The following QTMAN variants were observed in gnomAD, a reference collection of about 807,000 sequenced individuals.
QTMAN encodes queuosine-tRNA mannosyltransferase, also known as tRNA-queuosine alpha-mannosyltransferase.
the QTMAN span, among the ~76,000 whole-genome samples, chr2:144,265,452 C>T: frequency 6.6e-6 from 1 of 152,238 alleles, no homozygotes; most frequent in African/African-American, 2.4e-5. Context: ...AATCCCAGCA[C>T]TTTGGGAGGC....
At chr2:144,047,811 A>G in the QTMAN span, among the ~76,000 whole-genome samples, 1 of 152,240 alleles carries the variant, frequency 6.6e-6, no homozygotes, top group African/African-American at 2.4e-5. Context: ...AACATACTTC[A>G]CATTGTTGAA....
chr2:144,197,322 T>C, the QTMAN span, among the ~76,000 whole-genome samples: 1 of 150,404 alleles, frequency 6.6e-6, no homozygotes, highest in East Asian at 1.9e-4. Flanking sequence ...TGTGTGTGTA[T>C]ATATATATAT....
chr2:144,037,506 A>G, the QTMAN span, among the ~76,000 whole-genome samples: 3 of 152,214 alleles, frequency 2.0e-5, no homozygotes, highest in African/African-American at 4.8e-5. Context: ...GCAGCTCATG[A>G]GCACGTGTGT....
chr2:144,141,921 T>C, the QTMAN span: 1 of 1,611,614 alleles, frequency 6.2e-7, no homozygotes, highest in Non-Finnish European at 8.5e-7. Flanking sequence ...GTAAATAACT[T>C]GGCACTTGGG....
chr2:144,181,243 T>A, the QTMAN span, among the ~76,000 whole-genome samples: 1 of 152,220 alleles, frequency 6.6e-6, no homozygotes, highest in Non-Finnish European at 1.5e-5. Flanking sequence ...TGCCAGTGGT[T>A]TTCATGATCT....
chr2:144,243,459 TATG>T, the QTMAN span, among the ~76,000 whole-genome samples: 4 of 152,222 alleles, frequency 2.6e-5, no homozygotes, highest in East Asian at 7.7e-4. Context: ...TGGAATTTGC[TATG>T]ATATTAGGAA....
chr2:144,314,425 T>G, the QTMAN span, among the ~76,000 whole-genome samples: 2 of 152,066 alleles, frequency 1.3e-5, no homozygotes, highest in Non-Finnish European at 2.9e-5. Context: ...AACAGTGCAT[T>G]AAGGGGGCCA....
the QTMAN span, among the ~76,000 whole-genome samples, chr2:144,255,462 C>G: frequency 6.6e-6 from 1 of 152,162 alleles, no homozygotes; most frequent in Non-Finnish European, 1.5e-5. Context: ...TGACGCCTCT[C>G]CAGCCATATG....
At chr2:144,117,443 T>C in the QTMAN span, among the ~76,000 whole-genome samples, 1 of 152,222 alleles carries the variant, frequency 6.6e-6, no homozygotes. Flanking sequence ...TCAGCCCATA[T>C]AACTCCTCTA....
the QTMAN span, among the ~76,000 whole-genome samples, chr2:144,255,138 T>C: frequency 6.6e-6 from 1 of 152,160 alleles, no homozygotes; most frequent in African/African-American, 2.4e-5. Flanking sequence ...TGGAAAGGCA[T>C]GATTGTGTTT....
the QTMAN span, among the ~76,000 whole-genome samples, chr2:143,953,531 T>C: frequency 6.6e-6 from 1 of 151,860 alleles, no homozygotes; most frequent in Non-Finnish European, 1.5e-5. Context: ...AAGTTTCACT[T>C]TGTGAGAGGA....
At chr2:144,216,886 A>G in the QTMAN span, among the ~76,000 whole-genome samples, 2 of 152,308 alleles carry the variant, frequency 1.3e-5, no homozygotes, top group South Asian at 4.1e-4. Context: ...TGGAAGTAGG[A>G]TAAGAAGCCA....
chr2:144,013,223 T>C, the QTMAN span, among the ~76,000 whole-genome samples: 1 of 152,342 alleles, frequency 6.6e-6, no homozygotes, highest in African/African-American at 2.4e-5. Context: ...AGTAAGTACC[T>C]ATTGAGTACC....
the QTMAN span, among the ~76,000 whole-genome samples, chr2:144,129,040 C>T: frequency 2.6e-5 from 4 of 151,852 alleles, no homozygotes; most frequent in African/African-American, 9.7e-5. Context: ...CAGCATGAGA[C>T]AGAAGTTCCC....
chr2:143,957,292 A>G, the QTMAN span: 8 of 1,609,518 alleles, frequency 5.0e-6, no homozygotes, highest in Non-Finnish European at 6.8e-6. Context: ...AAGTAGCCCC[A>G]GTGTAAGACA....
chr2:143,981,638 T>C, the QTMAN span, among the ~76,000 whole-genome samples: 2 of 152,328 alleles, frequency 1.3e-5, 1 homozygote, highest in South Asian at 4.2e-4. Context: ...TATGTCTTGT[T>C]TCTAGACCCA....
chr2:144,136,962 C>CA, the QTMAN span, among the ~76,000 whole-genome samples: 1 of 152,070 alleles, frequency 6.6e-6, no homozygotes, highest in African/African-American at 2.4e-5. Context: ...CCAGTGTTTG[C>CA]AACCCAGCAG....
At chr2:143,958,252 C>T in the QTMAN span, among the ~76,000 whole-genome samples, 9 of 151,884 alleles carry the variant, frequency 5.9e-5, no homozygotes, top group East Asian at 1.9e-4. Flanking sequence ...TAACTATCAA[C>T]GGGGATTTAT....
At chr2:144,003,642 T>C in the QTMAN span, among the ~76,000 whole-genome samples, 1 of 152,032 alleles carries the variant, frequency 6.6e-6, no homozygotes, top group Non-Finnish European at 1.5e-5. Context: ...ACTATAATCC[T>C]TGACAAGCTC....
Sources: allele counts gnomAD v4.1 joint callset (sites outside exome capture counted in the v4.1 genomes callset), GRCh38; gene constraint gnomAD v4.1.1; transcripts MANE v1.5; gene names NCBI Gene and HGNC (gene_info 2026-07-23, HGNC 2026-07-21).